CRADD: variants seen among roughly 807,000 people sequenced by gnomAD.
CRADD encodes the protein death domain-containing protein CRADD.
A neutral mutation model predicts 15.5 loss-of-function variants in CRADD; 9 were observed. That is an observed-to-expected ratio of 0.58 (90% confidence interval 0.35 to 1.01). The LOEUF (loss-of-function observed/expected upper bound fraction) is 1.01. Among genes scored for constraint, CRADD ranks in the 50% least tolerant of loss-of-function variants. The pLI, the probability that CRADD is intolerant of heterozygous loss-of-function variation, is 0.02. For synonymous variants in CRADD, 118 were observed against 107.6 expected (o/e 1.10, Z -0.60); for missense variants, 227 against 250.3 (o/e 0.91, Z 0.63).
intron 2 of CRADD, among the ~76,000 whole-genome samples, chr12:93,776,841 G>A (rs527629690): frequency 6.6e-6 from 1 of 152,288 alleles, no homozygotes; most frequent in East Asian, 1.9e-4. Context: ...AATCCATAGA[G>A]ACAGAAAGAA....
intron 2 of CRADD, 132 bp from the exon 3 acceptor site, chr12:93,849,835 CAGG>C: frequency 1.5e-6 from 1 of 670,590 alleles, no homozygotes. Flanking sequence ...GAGCAGCCCC[CAGG>C]AAGAAGACAA....
At chr12:93,711,055 C>CCCCTTTTTTTTTTT in intron 2 of CRADD, among the ~76,000 whole-genome samples, 3 of 43,508 alleles carry the variant, frequency 6.9e-5, no homozygotes, top group Non-Finnish European at 8.8e-5. Flanking sequence ...CCACCCCCGC[C>CCCCTTTTTTTTTTT]TTTTTTTTTT....
intron 2 of CRADD, among the ~76,000 whole-genome samples, chr12:93,692,556 G>A (rs1955600080): frequency 1.3e-5 from 2 of 152,126 alleles, no homozygotes. Flanking sequence ...TATAGGCCAG[G>A]AGAGAGTAGG....
rs191284204 is a variant in CRADD at position 93,781,714 on chromosome 12, A to G, written c.299-68256A>G. Among the ~76,000 whole-genome samples, 45 of 152,372 alleles carry G rather than the reference A, an allele frequency of 3.0e-4. 1 individual carries two copies. The East Asian group carries it at 7.9e-3, about 27-fold the overall frequency. ...TGAACCAGAAGCTCATCAAACATGC[A>G]CATCTAACTATTAATACCAGGTTAT... On this transcript the variant is annotated intron_variant, in intron 2 of 2. Coordinates refer to ENST00000332896, the MANE Select transcript of CRADD (RefSeq NM_003805.5).
At position 93,733,103 on chromosome 12, in the gene CRADD, A is replaced by G. The variant is rs188653400; in HGVS notation, c.298+54031A>G. ...TGATATAGGCTAAGTGTCAAACTCT[A>G]TGCCTGGAGGAAAGTCAGTATTCAA... is the stretch of plus-strand genomic sequence containing the variant. On this transcript the variant is annotated intron_variant, in intron 2 of 2. Transcript: ENST00000332896. Among the ~76,000 whole-genome samples the G allele has an allele frequency of 2.2e-3, 334 of 152,340 alleles. 2 individuals carry two copies. The highest frequency in any genetic ancestry group is 7.6e-3 in the African/African-American group (318 of 41,576).
chr12:93,764,939 TG>T lies in CRADD; in HGVS notation c.299-85027del, dbSNP rs111246945. Reference sequence around the variant, plus strand: ...GGCATCTATCCAGTTTTGAATTATTTGGGGAAAAAAATCCCATGGAGGAATG... The same window carrying T: ...GGCATCTATCCAGTTTTGAATTATTTGGGAAAAAAATCCCATGGAGGAATG... On this transcript the variant is annotated intron_variant, in intron 2 of 2. Coordinates refer to ENST00000332896, the MANE Select transcript of CRADD (RefSeq NM_003805.5). Among the ~76,000 whole-genome samples the T allele has an allele frequency of 2.6e-5, 4 of 152,050 alleles. No individual in the cohort carries two copies. The East Asian group carries it at 5.8e-4, about 22-fold the overall frequency.
intron 2 of CRADD, among the ~76,000 whole-genome samples, chr12:93,701,950 C>T (rs1474847643): frequency 6.6e-6 from 1 of 152,082 alleles, no homozygotes; most frequent in Non-Finnish European, 1.5e-5. Flanking sequence ...ACATTCTCCT[C>T]ATCTGGGATT....
At chr12:93,711,055 C>CCCCCCCCTTT in intron 2 of CRADD, among the ~76,000 whole-genome samples, 7 of 43,506 alleles carry the variant, frequency 1.6e-4, no homozygotes, top group African/African-American at 4.2e-4. Flanking sequence ...CCACCCCCGC[C>CCCCCCCCTTT]TTTTTTTTTT....
At chr12:93,771,734 A>G (rs1398190442) in intron 2 of CRADD, among the ~76,000 whole-genome samples, 2 of 152,234 alleles carry the variant, frequency 1.3e-5, no homozygotes, top group Non-Finnish European at 2.9e-5. Flanking sequence ...GACAGATAAT[A>G]TAATTGCATG....
chr12:93,746,015 G>C (rs916958695), intron 2 of CRADD, among the ~76,000 whole-genome samples: 1 of 152,156 alleles, frequency 6.6e-6, no homozygotes, highest in Non-Finnish European at 1.5e-5. Context: ...AATAAGGCTA[G>C]GAGAAAAATA....
chr12:93,871,901 G>A (rs1593055232), intron 2 of CRADD, among the ~76,000 whole-genome samples: 1 of 152,146 alleles, frequency 6.6e-6, no homozygotes, highest in Non-Finnish European at 1.5e-5. Flanking sequence ...TTGATGTATG[G>A]ATTTTCTTTC....
downstream of CRADD, among the ~76,000 whole-genome samples, chr12:93,855,737 G>T (rs980077334): frequency 6.6e-6 from 1 of 152,230 alleles, no homozygotes; most frequent in Non-Finnish European, 1.5e-5. Context: ...GAGATGAAAG[G>T]TATAACATGC....
At chr12:93,714,994 T>A (rs376827876) in intron 2 of CRADD, 1 of 152,262 alleles carries the variant, frequency 6.6e-6, no homozygotes. Flanking sequence ...TAGGTGTGAC[T>A]GAGGGCACCA....
intron 2 of CRADD, among the ~76,000 whole-genome samples, chr12:93,712,412 G>A (rs1324057754): frequency 6.6e-6 from 1 of 152,122 alleles, no homozygotes; most frequent in Non-Finnish European, 1.5e-5. Context: ...CGTATTCCTA[G>A]TGTGTTGTCA....
At chr12:93,803,794 T>G (rs1957503663) in intron 2 of CRADD, among the ~76,000 whole-genome samples, 1 of 151,876 alleles carries the variant, frequency 6.6e-6, no homozygotes, top group Non-Finnish European at 1.5e-5. Context: ...TTTGCAGGTG[T>G]GATTAAGGGT....
At chr12:93,699,744 A>G (rs1242159501) in intron 2 of CRADD, among the ~76,000 whole-genome samples, 1 of 152,180 alleles carries the variant, frequency 6.6e-6, no homozygotes, top group Non-Finnish European at 1.5e-5. Context: ...TGTAGCCTGT[A>G]TTAGGTTCTC....
At chr12:93,842,509 C>T (rs1958061185) in intron 2 of CRADD, among the ~76,000 whole-genome samples, 1 of 151,984 alleles carries the variant, frequency 6.6e-6, no homozygotes, top group Admixed American at 6.6e-5. Context: ...TTGTGCTAGG[C>T]AAAGGGCTAA....
intron 2 of CRADD, among the ~76,000 whole-genome samples, chr12:93,802,340 A>G (rs1241427934): frequency 1.3e-5 from 2 of 152,224 alleles, no homozygotes; most frequent in Admixed American, 6.5e-5. Context: ...AACCACATCC[A>G]TGCCCACATC....
intron 2 of CRADD, among the ~76,000 whole-genome samples, chr12:93,764,481 C>A (rs1162653166): frequency 2.0e-5 from 3 of 152,038 alleles, no homozygotes; most frequent in South Asian, 4.1e-4. Flanking sequence ...AAAGGGTATA[C>A]AGAGGATGAT....
Sources: gnomAD v4.1 joint callset for allele counts (sites outside exome capture counted in the v4.1 genomes callset) on GRCh38, gnomAD v4.1.1 for gene constraint, MANE v1.5 for transcripts, NCBI Gene and HGNC (gene_info 2026-07-23, HGNC 2026-07-21) for gene names.